The following FGD5 variants were observed in gnomAD, a reference collection of about 807,000 sequenced individuals.
FGD5 encodes FYVE, RhoGEF and PH domain containing 5, also known as FYVE, RhoGEF and PH domain-containing protein 5.
A neutral mutation model predicts 133.4 loss-of-function variants in FGD5; 28 were observed. That is an observed-to-expected ratio of 0.21 (90% CI 0.16 to 0.29). The LOEUF is 0.29. Ranked by LOEUF, FGD5 falls within the 10% of genes least tolerant of loss-of-function variation. The pLI, the probability that FGD5 is intolerant of heterozygous loss-of-function variation, is 1.00. For missense variants in FGD5, 1,858 were observed against 1,895.2 expected, an observed-to-expected ratio of 0.98 and a Z score of 0.36; for synonymous variants, 810 against 776.5, an observed-to-expected ratio of 1.04 and a Z score of -0.72.
In FGD5 at chr3:14,820,557, AC is replaced by A; in HGVS notation, c.1488del (p.Val497SerfsTer80). 1 of 1,612,846 alleles carries A rather than the reference AC, an allele frequency of 6.2e-7. No homozygotes were observed. The highest frequency in any genetic ancestry group is 1.1e-5 in the South Asian group (1 of 90,952). On this transcript the variant is annotated frameshift_variant, in exon 1 of 20. Coordinates refer to ENST00000285046, the MANE Select transcript of FGD5 (RefSeq NM_152536.4). LOFTEE classifies it high-confidence loss of function. ...SGKVAGYVPE[T>X]VPEETGPEAG... is the part of the protein sequence containing the mutation. ...GAAGGTGGCCGGCTATGTCCCAGAA[AC>A]CGTCCCTGAAGAAACCGGACCTGAG... is the stretch of plus-strand genomic sequence containing the variant.
intron 2 of FGD5, among the ~76,000 whole-genome samples, chr3:14,866,329 G>C (rs2037493484): frequency 6.6e-6 from 1 of 152,098 alleles, no homozygotes; most frequent in African/African-American, 2.4e-5. Context: ...CTGAATCCTT[G>C]AGACAGAGGG....
chr3:14,872,068 T>G (rs571221318), intron 2 of FGD5, among the ~76,000 whole-genome samples: 1 of 152,344 alleles, frequency 6.6e-6, no homozygotes, highest in South Asian at 2.1e-4. Context: ...AAGTCTGAAC[T>G]CTGGCCCATG....
At chr3:14,846,421 T>C (rs116709629) in intron 1 of FGD5, among the ~76,000 whole-genome samples, 1,834 of 152,314 alleles carry the variant, frequency 0.012, 23 homozygotes, top group Middle Eastern at 0.031. Context: ...TGTCCTGGCA[T>C]GTGGGGAGAA....
At position 14,820,088 on chromosome 3, in the gene FGD5, G is replaced by A. The variant is rs766939598; in HGVS notation, c.1017G>A (p.Val339=). Reference sequence around the variant, plus strand: ...AGAATGACTGCATGGAGGACTTCGTGACTTCCCTCACAGGAAGCCCCTATG... The same window carrying A: ...AGAATGACTGCATGGAGGACTTCGTAACTTCCCTCACAGGAAGCCCCTATG... ...PFENDCMEDF[V]TSLTGSPYEF... is the part of the protein sequence containing the mutation. The change falls in exon 1 of 20, where the codon GTG becomes GTA. Residue 339 remains valine (V), a synonymous_variant. Transcript: ENST00000285046. The A allele has an allele frequency of 7.6e-5, 123 of 1,613,946 alleles. No individual in the cohort carries two copies. The highest frequency in any genetic ancestry group is 9.3e-5 in the Non-Finnish European group (110 of 1,179,906).
chr3:14,847,335 A>G (rs996764167), intron 1 of FGD5, among the ~76,000 whole-genome samples: 1 of 152,182 alleles, frequency 6.6e-6, no homozygotes, highest in Non-Finnish European at 1.5e-5. Flanking sequence ...ACTGAGGCAC[A>G]TAGGAGGGAA....
intron 2 of FGD5, among the ~76,000 whole-genome samples, chr3:14,874,439 T>G (rs1014317279): frequency 1.3e-5 from 2 of 152,146 alleles, no homozygotes; most frequent in African/African-American, 4.8e-5. Flanking sequence ...AAGGATCACT[T>G]GAGCCCAGGT....
rs547470959 is a variant in FGD5 at position 14,886,329 on chromosome 3, G to A, written c.2748+5557G>A. Among the ~76,000 whole-genome samples the A allele has an allele frequency of 2.6e-5, 4 of 152,310 alleles. No homozygotes were observed. The East Asian group carries it at 7.7e-4, about 29-fold the overall frequency. Reference sequence around the variant, plus strand: ...TGCAGAGGAAGCTGAGTGAAAGCTGGGTTCATCTTGGTGGCTCTGCTTCTT... The same window carrying A: ...TGCAGAGGAAGCTGAGTGAAAGCTGAGTTCATCTTGGTGGCTCTGCTTCTT... On this transcript the variant is annotated intron_variant, in intron 4 of 19. Transcript: ENST00000285046.
intron 10 of FGD5, 26 bp downstream of exon 10, chr3:14,907,737 G>A: frequency 1.9e-6 from 3 of 1,610,000 alleles, no homozygotes; most frequent in Non-Finnish European, 2.5e-6. Context: ...ATGGGTAGGG[G>A]CAGAGGGTGG....
intron 4 of FGD5, among the ~76,000 whole-genome samples, chr3:14,891,710 A>G (rs2038030745): frequency 6.6e-6 from 1 of 152,132 alleles, no homozygotes; most frequent in Admixed American, 6.5e-5. Flanking sequence ...ACAGGACAGG[A>G]TGAGTTGTTC....
At chr3:14,918,714 C>T in intron 12 of FGD5, 40 bp from the exon 13 acceptor site, 1 of 1,587,432 alleles carries the variant, frequency 6.3e-7, no homozygotes, top group Non-Finnish European at 8.7e-7. Context: ...ACTTGCCCCT[C>T]CCTGCCCCAC....
chr3:14,894,128 C>A (rs1175321788), intron 4 of FGD5, among the ~76,000 whole-genome samples: 1 of 152,192 alleles, frequency 6.6e-6, no homozygotes, highest in Admixed American at 6.5e-5. Context: ...CCCTTCCCAC[C>A]TCTGGTAACC....
chr3:14,844,218 ATATATATATATATAT>A (rs1402784950), intron 1 of FGD5, among the ~76,000 whole-genome samples: 270 of 21,664 alleles, frequency 0.012, 30 homozygotes, highest in Non-Finnish European at 0.017. Context: ...AAAAAAAAAA[ATATATATATATATAT>A]ATATATATAT....
chr3:14,904,364 C>G (rs1183360525), intron 9 of FGD5, among the ~76,000 whole-genome samples: 8 of 152,310 alleles, frequency 5.3e-5, no homozygotes, highest in South Asian at 2.1e-4. Flanking sequence ...ATAAAGAAGT[C>G]ATTTATATCA....
Position 14,898,834 on chromosome 3 carries a change from C to T in FGD5, c.3154+8C>T. On this transcript the variant is annotated splice_region_variant and intron_variant, in intron 7 of 19. Transcript: ENST00000285046. The stretch of plus-strand genomic sequence containing the variant: ...ACCAAGTGCTCCTCACAGGTGGGCC[C>T]CACAGGAGATCAATGGGGACTGAGG... 6.4e-7 allele frequency: 1 copy of T among 1,570,330 alleles called. No homozygotes were observed. Among genetic ancestry groups the T allele is most frequent in the Non-Finnish European group, 8.6e-7 (1 of 1,158,748 alleles).
At chr3:14,925,491 T>A (rs943301437) in intron 17 of FGD5, among the ~76,000 whole-genome samples, 10 of 152,192 alleles carry the variant, frequency 6.6e-5, no homozygotes, top group Non-Finnish European at 1.2e-4. Flanking sequence ...AACCACCTAG[T>A]AATTGGTAGA....
chr3:14,863,493 A>T (rs545241368), intron 1 of FGD5, among the ~76,000 whole-genome samples: 1 of 152,186 alleles, frequency 6.6e-6, no homozygotes, highest in African/African-American at 2.4e-5. Context: ...GCTGACTGCT[A>T]TGTTCATTAT....
At chr3:14,916,591 G>A (rs1014053587) in intron 11 of FGD5, among the ~76,000 whole-genome samples, 3 of 152,142 alleles carry the variant, frequency 2.0e-5, no homozygotes, top group Non-Finnish European at 2.9e-5. Flanking sequence ...TCAACCTTAA[G>A]CATATGTGTT....
At chr3:14,867,112 T>C (rs2037510137) in intron 2 of FGD5, among the ~76,000 whole-genome samples, 1 of 152,260 alleles carries the variant, frequency 6.6e-6, no homozygotes, top group Admixed American at 6.5e-5. Context: ...AGGCATGCTC[T>C]ACCACGGAAT....
upstream of FGD5, among the ~76,000 whole-genome samples, chr3:14,815,680 A>C (rs1242716256): frequency 1.3e-5 from 2 of 152,214 alleles, no homozygotes; most frequent in Non-Finnish European, 2.9e-5. Context: ...TTAACTGCCC[A>C]GCTGTTTCTG....
Sources: allele counts gnomAD v4.1 joint callset (sites outside exome capture counted in the v4.1 genomes callset), GRCh38; gene constraint gnomAD v4.1.1; transcripts MANE v1.5; gene names NCBI Gene and HGNC (gene_info 2026-07-23, HGNC 2026-07-21).